PRDM5: variants seen among roughly 807,000 people sequenced by gnomAD.
The protein encoded by PRDM5 is PR/SET domain 5, also known as PR domain zinc finger protein 5.
Under a neutral mutation model 81.2 loss-of-function variants are expected in PRDM5, and 56 were observed. The ratio of observed to expected loss-of-function variants is 0.69; its 90% CI spans 0.56 to 0.86. PRDM5 has a LOEUF of 0.86. Ranked by LOEUF, PRDM5 falls within the 40% of genes least tolerant of loss-of-function variation. The pLI, the probability that PRDM5 is intolerant of heterozygous loss-of-function variation, is 0.00. For synonymous variants in PRDM5, 267 were observed against 256.4 expected, an observed-to-expected ratio of 1.04 and a Z score of -0.39; for missense variants, 697 against 770.1, an observed-to-expected ratio of 0.91 and a Z score of 1.12.
intron 14 of PRDM5, among the ~76,000 whole-genome samples, chr4:120,712,039 A>G (rs994078438): frequency 6.6e-6 from 1 of 152,054 alleles, no homozygotes; most frequent in African/African-American, 2.4e-5. Flanking sequence ...TAATCCTAGC[A>G]CTTTGGGAGG....
At chr4:120,730,727 T>A (rs572992799) in intron 14 of PRDM5, among the ~76,000 whole-genome samples, 1 of 152,356 alleles carries the variant, frequency 6.6e-6, no homozygotes, top group African/African-American at 2.4e-5. Context: ...TCCTGAAGTA[T>A]ATTATTAAAG....
At chr4:120,872,286 G>A (rs1761915083) in intron 2 of PRDM5, among the ~76,000 whole-genome samples, 1 of 151,864 alleles carries the variant, frequency 6.6e-6, no homozygotes, top group African/African-American at 2.4e-5. Flanking sequence ...AACCAAGAGG[G>A]AGAAGCAACT....
intron 13 of PRDM5, among the ~76,000 whole-genome samples, chr4:120,757,810 C>T (rs1744990528): frequency 6.6e-6 from 1 of 151,572 alleles, no homozygotes; most frequent in Non-Finnish European, 1.5e-5. Flanking sequence ...GATGGAGGAA[C>T]AGTGAATTAA....
At chr4:120,758,174 C>T (rs1262375946) in intron 13 of PRDM5, among the ~76,000 whole-genome samples, 1 of 152,102 alleles carries the variant, frequency 6.6e-6, no homozygotes, top group Non-Finnish European at 1.5e-5. Context: ...TTCTTGGCCT[C>T]CATAACTGTG....
intron 2 of PRDM5, among the ~76,000 whole-genome samples, chr4:120,907,200 G>A (rs886282044): frequency 6.6e-6 from 1 of 151,920 alleles, no homozygotes; most frequent in African/African-American, 2.4e-5. Context: ...TGGACATGTT[G>A]GCATGCGCCT....
intron 14 of PRDM5, among the ~76,000 whole-genome samples, chr4:120,729,790 T>A (rs1003019958): frequency 2.6e-5 from 4 of 152,178 alleles, no homozygotes; most frequent in Non-Finnish European, 4.4e-5. Context: ...TTCTAAGGTA[T>A]AAGTGAAGGG....
intron 3 of PRDM5, among the ~76,000 whole-genome samples, chr4:120,841,392 T>A (rs1310560050): frequency 6.6e-6 from 1 of 152,176 alleles, no homozygotes; most frequent in Non-Finnish European, 1.5e-5. Flanking sequence ...AGGCACTGGA[T>A]GTAGTACAGT....
At chr4:120,837,382 T>C (rs888814880) in intron 3 of PRDM5, 4 of 152,206 alleles carry the variant, frequency 2.6e-5, no homozygotes, top group Admixed American at 6.5e-5. Context: ...AACATTATCA[T>C]AGAGTTTCCC....
At chr4:120,890,617 C>T (rs186184295) in intron 2 of PRDM5, among the ~76,000 whole-genome samples, 2 of 152,286 alleles carry the variant, frequency 1.3e-5, no homozygotes, top group African/African-American at 4.8e-5. Flanking sequence ...TTCCCACAAC[C>T]TCACCAGCAT....
At chr4:120,746,349 T>A (rs1295490126) in intron 14 of PRDM5, among the ~76,000 whole-genome samples, 4 of 146,052 alleles carry the variant, frequency 2.7e-5, no homozygotes, top group African/African-American at 5.0e-5. Context: ...AACCTAGGCA[T>A]TACCATTCAG....
At chr4:120,847,947 T>C (rs1758844403) in intron 3 of PRDM5, among the ~76,000 whole-genome samples, 1 of 152,128 alleles carries the variant, frequency 6.6e-6, no homozygotes, top group Admixed American at 6.6e-5. Flanking sequence ...CCCACCTAAT[T>C]AAAACTTTCC....
chr4:120,788,140 A>T (rs1481826195), intron 10 of PRDM5, among the ~76,000 whole-genome samples: 2 of 152,192 alleles, frequency 1.3e-5, no homozygotes, highest in African/African-American at 4.8e-5. Flanking sequence ...ACAGAAATAC[A>T]ACTGACAAAT....
intron 13 of PRDM5, among the ~76,000 whole-genome samples, chr4:120,776,685 T>C (rs999665129): frequency 2.0e-5 from 3 of 152,158 alleles, no homozygotes; most frequent in Non-Finnish European, 4.4e-5. Context: ...TTGGAGAAAT[T>C]ACACAGGAAG....
At chr4:120,708,628 A>G (rs1286996033) in intron 15 of PRDM5, among the ~76,000 whole-genome samples, 1 of 152,138 alleles carries the variant, frequency 6.6e-6, no homozygotes, top group Non-Finnish European at 1.5e-5. Flanking sequence ...GATCAATTTT[A>G]TATCATGTGA....
At chr4:120,869,706 G>C (rs1291375462) in intron 2 of PRDM5, among the ~76,000 whole-genome samples, 1 of 152,132 alleles carries the variant, frequency 6.6e-6, no homozygotes, top group Non-Finnish European at 1.5e-5. Context: ...GGCATCAGGA[G>C]ACTGGCACAG....
In PRDM5 at chr4:120,693,415, T is replaced by C. The variant is rs1006541674; in HGVS notation, c.*1696A>G. On this transcript the variant is annotated 3_prime_UTR_variant, in exon 16 of 16. Coordinates refer to ENST00000264808, the MANE Select transcript of PRDM5 (RefSeq NM_018699.4). Reference sequence around the variant, plus strand: ...AAAACACTTTAGATCTAAAAATATATTGTTGAAACAAATGATATAGTGAGA... The same window carrying C: ...AAAACACTTTAGATCTAAAAATATACTGTTGAAACAAATGATATAGTGAGA... The C allele has an allele frequency of 1.1e-4, 17 of 152,114 alleles. No homozygotes were observed. The highest frequency in any genetic ancestry group is 4.1e-4 in the African/African-American group (17 of 41,438). 9.4% of individuals were successfully genotyped at this position (152,114 alleles called of 1,614,324 possible).
chr4:120,696,757 A>G (rs1734572485), intron 15 of PRDM5, among the ~76,000 whole-genome samples: 2 of 152,062 alleles, frequency 1.3e-5, no homozygotes, highest in Non-Finnish European at 2.9e-5. Context: ...GACAAATGTT[A>G]ATGAGAGGGA....
intron 13 of PRDM5, among the ~76,000 whole-genome samples, chr4:120,757,566 T>C (rs772675190): frequency 1.3e-5 from 2 of 152,166 alleles, no homozygotes; most frequent in African/African-American, 2.4e-5. Context: ...CCAGAAGAGA[T>C]GAGCATTTGA....
intron 13 of PRDM5, among the ~76,000 whole-genome samples, chr4:120,761,808 A>G (rs1745653113): frequency 6.6e-6 from 1 of 152,070 alleles, no homozygotes; most frequent in African/African-American, 2.4e-5. Flanking sequence ...GAACCTGACC[A>G]CTCTAGCAGA....
Sources: allele counts gnomAD v4.1 joint callset (sites outside exome capture counted in the v4.1 genomes callset), GRCh38; gene constraint gnomAD v4.1.1; transcripts MANE v1.5; gene names NCBI Gene and HGNC (gene_info 2026-07-23, HGNC 2026-07-21).